The following ZNF185 variants were observed in gnomAD, a reference collection of about 807,000 sequenced individuals.
ZNF185 encodes zinc finger protein 185.
In ZNF185, 56 loss-of-function variants were observed where a neutral mutation model predicts 58.6. The ratio of observed to expected loss-of-function variants is 0.95; its 90% CI spans 0.77 to 1.19. The LOEUF is 1.19. Ranked by LOEUF, ZNF185 falls within the 50% of genes most tolerant of loss-of-function variation. ZNF185 has a pLI of 0.00. For synonymous variants in ZNF185, 230 were observed against 215.9 expected (o/e 1.07, Z -0.57); for missense variants, 627 against 573.5 (o/e 1.09, Z -0.95).
intron 14 of ZNF185, chrX:152,936,457 C>T (rs1480052016): frequency 8.6e-7 from 1 of 1,165,254 alleles, no homozygotes; most frequent in Admixed American, 2.6e-5. Context: ...TCCTGGAAGA[C>T]CAGGATGGGC....
chrX:152,969,584 ACTGTGGAGGAGG>A, intron 21 of ZNF185, 100 bp downstream of exon 23: 1 of 621,760 alleles, frequency 1.6e-6, no homozygotes, highest in Non-Finnish European at 2.6e-6. Context: ...GGGTTCAGAG[ACTGTGGAGGAGG>A]CTTGATCTCC....
At chrX:152,952,830 AC>A (rs2048419885) in intron 16 of ZNF185, among the ~76,000 whole-genome samples, 1 of 86,127 alleles carries the variant, frequency 1.2e-5, no homozygotes, top group South Asian at 6.1e-4. Context: ...CTTCGTGATT[AC>A]TTTTTTTTTT....
upstream of ZNF185, among the ~76,000 whole-genome samples, chrX:152,910,451 C>T (rs912177568): frequency 5.3e-5 from 6 of 112,403 alleles, no homozygotes; most frequent in African/African-American, 1.3e-4. Context: ...TCCTGCTTTA[C>T]GGGCTGCTTT....
rs1023675767 is a variant in ZNF185 at position 152,954,299 on chromosome X, A to G, written c.1410-5400A>G. Among the ~76,000 whole-genome samples the G allele has an allele frequency of 5.4e-5, 6 of 111,184 alleles. No homozygotes were observed. The Admixed American group carries it at 5.7e-4, about 11-fold the overall frequency. On this transcript the variant is annotated intron_variant, in intron 16 of 22. Coordinates refer to ENST00000449285, the Ensembl canonical transcript of ZNF185. ...AGCCGGTTCTCAGGAGAAGCTGCTA[A>G]GTGGGGCATGTTCTGCATTGCAGCA... is the stretch of plus-strand genomic sequence containing the variant.
In ZNF185 at chrX:152,915,128, T is replaced by C. The variant is rs1238165132; in HGVS notation, c.159-10T>C. 4.1e-6 allele frequency: 5 copies of C among 1,207,774 alleles called. No homozygotes were observed. Among genetic ancestry groups the C allele is most frequent in the Non-Finnish European group, 5.6e-6 (5 of 894,233 alleles). On this transcript the variant is annotated splice_polypyrimidine_tract_variant and intron_variant, in intron 2 of 22. Transcript: ENST00000449285. Reference sequence around the variant, plus strand: ...CGGAGCCAATCCTTCAGGATGCCTCTTTCCCCCAGAGAGCTGCCCTCAGGC... The same window carrying C: ...CGGAGCCAATCCTTCAGGATGCCTCCTTCCCCCAGAGAGCTGCCCTCAGGC...
intron 14 of ZNF185, among the ~76,000 whole-genome samples, chrX:152,937,520 GCT>G (rs1177284516): frequency 9.0e-6 from 1 of 111,127 alleles, no homozygotes; most frequent in East Asian, 2.8e-4. Flanking sequence ...GACAGCTCTT[GCT>G]CTCTCTCTTT....
At chrX:152,968,355 C>G (rs1488908873) in intron 20 of ZNF185, among the ~76,000 whole-genome samples, 1 of 112,701 alleles carries the variant, frequency 8.9e-6, no homozygotes, top group African/African-American at 3.2e-5. Context: ...CATTGCACAA[C>G]TACTAAATCC....
intron 18 of ZNF185, 63 bp downstream of exon 20, chrX:152,964,012 G>A (rs1433492466): frequency 1.8e-6 from 2 of 1,089,250 alleles, no homozygotes; most frequent in African/African-American, 3.6e-5. Flanking sequence ...TGGCGGTAAA[G>A]GACTTGGCTT....
chrX:152,905,142 T>G, the ZNF185 span, among the ~76,000 whole-genome samples: 1 of 113,099 alleles, frequency 8.8e-6, no homozygotes, highest in Non-Finnish European at 1.9e-5. Flanking sequence ...GGCACCGCTG[T>G]GCCCGTCTCA....
At position 152,945,805 on chromosome X, in the gene ZNF185, T is replaced by C. The variant is rs565371332; in HGVS notation, c.1409+341T>C. On this transcript the variant is annotated intron_variant, in intron 16 of 22. Coordinates refer to ENST00000449285, the Ensembl canonical transcript of ZNF185. Reference sequence around the variant, plus strand: ...TGGGGGTCCTGGGCAGAGTGAGGGCTATTTGTGTGGGTAAAATGCCATTGT... The same window carrying C: ...TGGGGGTCCTGGGCAGAGTGAGGGCCATTTGTGTGGGTAAAATGCCATTGT... Among the ~76,000 whole-genome samples, 16 of 111,678 alleles carry C rather than the reference T, an allele frequency of 1.4e-4. No homozygotes were observed. The South Asian group carries it at 5.2e-3, about 37-fold the overall frequency.
chrX:152,938,857 G>GACA (rs1569506185), intron 15 of ZNF185, among the ~76,000 whole-genome samples: 4 of 104,600 alleles, frequency 3.8e-5, no homozygotes, highest in African/African-American at 1.4e-4. Flanking sequence ...ATGGCAGTGA[G>GACA]GAGGGTACTA....
chrX:152,959,151 C>T (rs1317618736), intron 16 of ZNF185, among the ~76,000 whole-genome samples: 3 of 112,587 alleles, frequency 2.7e-5, no homozygotes, highest in Non-Finnish European at 1.9e-5. Flanking sequence ...TGGCCCTTCC[C>T]CCCTTTGTGG....
chrX:152,942,301 G>A (rs187169437), intron 15 of ZNF185, among the ~76,000 whole-genome samples: 1 of 112,091 alleles, frequency 8.9e-6, no homozygotes, highest in African/African-American at 3.2e-5. Context: ...GTATAGTATA[G>A]TGGTTGAGAG....
At chrX:152,959,437 C>T (rs2049234353) in intron 16 of ZNF185, among the ~76,000 whole-genome samples, 1 of 112,329 alleles carries the variant, frequency 8.9e-6, no homozygotes, top group Admixed American at 9.3e-5. Flanking sequence ...TGTTTCCAGC[C>T]AGAAGACGAT....
chrX:152,921,136 T>C (rs1939625030), intron 9 of ZNF185, among the ~76,000 whole-genome samples: 1 of 111,946 alleles, frequency 8.9e-6, no homozygotes, highest in Admixed American at 9.5e-5. Context: ...ACTGTGACAT[T>C]GGAGATGGGC....
intron 17 of ZNF185, among the ~76,000 whole-genome samples, chrX:152,961,608 T>C (rs1414933335): frequency 8.9e-6 from 1 of 112,227 alleles, no homozygotes; most frequent in Non-Finnish European, 1.9e-5. Context: ...AAGAGCCTCC[T>C]GTGAGCAGCC....
chrX:152,918,729 G>T (rs1440590951), intron 6 of ZNF185, among the ~76,000 whole-genome samples: 1 of 111,967 alleles, frequency 8.9e-6, no homozygotes, highest in African/African-American at 3.2e-5. Context: ...GTTCCCAGGG[G>T]ACCACATCTT....
chrX:152,948,309 T>C (rs927215224), intron 16 of ZNF185, among the ~76,000 whole-genome samples: 4 of 111,446 alleles, frequency 3.6e-5, no homozygotes, highest in African/African-American at 1.3e-4. Context: ...GGGTACACAC[T>C]CTGAAACTGG....
intron 14 of ZNF185, among the ~76,000 whole-genome samples, chrX:152,936,843 G>T (rs1245006253): frequency 4.5e-5 from 5 of 110,316 alleles, no homozygotes; most frequent in Non-Finnish European, 7.6e-5. Context: ...CTGCTGTAGG[G>T]ACTACAGCCA....
Sources: gnomAD v4.1 joint callset for allele counts (sites outside exome capture counted in the v4.1 genomes callset) on GRCh38, gnomAD v4.1.1 for gene constraint, MANE v1.5 for transcripts, NCBI Gene and HGNC (gene_info 2026-07-23, HGNC 2026-07-21) for gene names.